Variants in CCND3 observed in about 807,000 individuals in gnomAD.
CCND3 encodes cyclin D3.
CCND3 carries 9 observed loss-of-function variants against 28.7 expected under a neutral mutation model. That is an observed-to-expected ratio of 0.31 (90% CI 0.19 to 0.55). The LOEUF is 0.55. CCND3 is among the 20% of genes least tolerant of loss of function. The probability of loss-of-function intolerance (pLI) is 0.93; values close to 1 mark genes in which losing one functional copy is unlikely to be tolerated. For synonymous variants in CCND3, 164 were observed against 163.9 expected, an observed-to-expected ratio of 1.00 and a Z score of 0.00; for missense variants, 315 against 385.8, an observed-to-expected ratio of 0.82 and a Z score of 1.54.
At chr6:42,012,525 T>A (rs1763372824) in intron 1 of CCND3, among the ~76,000 whole-genome samples, 1 of 152,062 alleles carries the variant, frequency 6.6e-6, no homozygotes. Flanking sequence ...CACTTGAACC[T>A]GGGAGGTGGA....
intron 1 of CCND3, among the ~76,000 whole-genome samples, chr6:42,022,036 T>C (rs1195900723): frequency 6.6e-6 from 1 of 152,176 alleles, no homozygotes; most frequent in Non-Finnish European, 1.5e-5. Flanking sequence ...GCATCACATA[T>C]TAAGTGCTGA....
intron 1 of CCND3, among the ~76,000 whole-genome samples, chr6:42,009,439 CTG>C (rs986608083): frequency 6.6e-5 from 10 of 152,192 alleles, no homozygotes; most frequent in African/African-American, 2.4e-4. Flanking sequence ...TGGTGAAACC[CTG>C]TCTCTACTAA....
At chr6:41,960,384 T>C (rs190869008) in intron 1 of CCND3, among the ~76,000 whole-genome samples, 2 of 152,366 alleles carry the variant, frequency 1.3e-5, no homozygotes, top group Admixed American at 6.5e-5. Context: ...GTGAATGCTA[T>C]GGTATGTAAC....
At chr6:42,024,932 C>T (rs1255908412) in intron 1 of CCND3, among the ~76,000 whole-genome samples, 2 of 152,214 alleles carry the variant, frequency 1.3e-5, no homozygotes, top group Middle Eastern at 3.4e-3. Context: ...GTGGTGCACA[C>T]CTGTAATCCT....
chr6:41,965,856 C>T (rs933044418), intron 1 of CCND3, among the ~76,000 whole-genome samples: 1 of 152,128 alleles, frequency 6.6e-6, no homozygotes, highest in African/African-American at 2.4e-5. Context: ...TCTTTAAATC[C>T]GCTTGCATAT....
chr6:41,996,303 C>G (rs1169882742), intron 1 of CCND3, among the ~76,000 whole-genome samples: 1 of 151,714 alleles, frequency 6.6e-6, no homozygotes, highest in Non-Finnish European at 1.5e-5. Context: ...GCACACGCCA[C>G]CATGTCCGGC....
At chr6:42,000,191 G>A (rs76776060) in intron 1 of CCND3, among the ~76,000 whole-genome samples, 3,224 of 128,042 alleles carry the variant, frequency 0.025, 133 homozygotes, top group African/African-American at 0.087. Context: ...CAAAATCCAA[G>A]AAAGTTAGAA....
chr6:41,991,219 C>A (rs1022605254), intron 1 of CCND3, among the ~76,000 whole-genome samples: 1 of 151,962 alleles, frequency 6.6e-6, no homozygotes, highest in African/African-American at 2.4e-5. Context: ...GCACCACACC[C>A]GGCTAATTTT....
At chr6:41,974,789 G>GT (rs558976451) in intron 1 of CCND3, among the ~76,000 whole-genome samples, 8 of 96,354 alleles carry the variant, frequency 8.3e-5, no homozygotes, top group African/African-American at 3.5e-4. Flanking sequence ...ATTCCCCACA[G>GT]TTCTTTTTTT....
chr6:41,973,994 C>T (rs1762101695), intron 1 of CCND3, among the ~76,000 whole-genome samples: 1 of 152,142 alleles, frequency 6.6e-6, no homozygotes, highest in South Asian at 2.1e-4. Flanking sequence ...ACCATCCTGG[C>T]CAACATGGCA....
intron 1 of CCND3, among the ~76,000 whole-genome samples, chr6:42,026,064 G>A (rs1763866245): frequency 6.6e-6 from 1 of 152,128 alleles, no homozygotes; most frequent in African/African-American, 2.4e-5. Flanking sequence ...AGCTAAATGT[G>A]ACCTGTGACC....
At chr6:42,006,227 C>A (rs1057270838) in intron 1 of CCND3, among the ~76,000 whole-genome samples, 2 of 151,454 alleles carry the variant, frequency 1.3e-5, no homozygotes, top group Non-Finnish European at 2.9e-5. Flanking sequence ...AAAACAAAAA[C>A]TCACATCATC....
intron 1 of CCND3, among the ~76,000 whole-genome samples, chr6:42,041,183 G>A (rs905704237): frequency 6.6e-6 from 1 of 152,194 alleles, no homozygotes; most frequent in Non-Finnish European, 1.5e-5. Flanking sequence ...GAAGAAACAG[G>A]GGGGAGGAAA....
At chr6:42,024,522 C>T (rs1286961236) in intron 1 of CCND3, among the ~76,000 whole-genome samples, 1 of 152,124 alleles carries the variant, frequency 6.6e-6, no homozygotes, top group African/African-American at 2.4e-5. Flanking sequence ...GGATCTCAGT[C>T]CACCCTCAGT....
At chr6:42,038,836 A>C (rs940696658) in intron 1 of CCND3, among the ~76,000 whole-genome samples, 12 of 152,190 alleles carry the variant, frequency 7.9e-5, no homozygotes, top group African/African-American at 2.7e-4. Context: ...TTCTTCTTTT[A>C]TCTCCTCAAA....
At position 41,935,287 on chromosome 6, in the gene CCND3, C is replaced by T. The variant is rs1775732724; in HGVS notation, c.*653G>A. 4.3e-6 allele frequency: 1 copy of T among 233,886 alleles called. No individual in the cohort carries two copies. The highest frequency in any genetic ancestry group is 6.0e-5 in the East Asian group (1 of 16,588). 14.5% of individuals were successfully genotyped at this position (233,886 alleles called of 1,614,324 possible). ...CCCATTATGTCCTCTTAAAGTTGTG[C>T]TCAAAGCAATTAATAAATTAAAATG... On this transcript the variant is annotated 3_prime_UTR_variant, in exon 5 of 5. Transcript: ENST00000372991.
At chr6:42,029,179 C>T (rs559505103) in intron 1 of CCND3, among the ~76,000 whole-genome samples, 91 of 151,064 alleles carry the variant, frequency 6.0e-4, no homozygotes, top group African/African-American at 2.1e-3. Flanking sequence ...TTTTTAGAGA[C>T]AGGGTCTCAC....
Position 41,940,408 on chromosome 6 carries a change from T to C in CCND3, c.376A>G (p.Ile126Val). The C allele has an allele frequency of 6.2e-7, 1 of 1,614,096 alleles. No individual in the cohort carries two copies. Among genetic ancestry groups the C allele is most frequent in the South Asian group, 1.1e-5 (1 of 91,084 alleles). Residue 126 changes from isoleucine (I) to valine (V), a missense_variant, in exon 2 of 5, where the codon ATC (isoleucine) becomes GTC (valine). Coordinates refer to ENST00000372991, the MANE Select transcript of CCND3 (RefSeq NM_001760.5). ...TTPLTIEKLC[I>V]YTDHAVSPRQ... ...GGAGAGACAGCGTGGTCGGTGTAGA[T>C]GCACAGTTTTTCGATGGTCAGGGGC...
chr6:42,029,952 T>G (rs1763996171), intron 1 of CCND3: 1 of 152,070 alleles, frequency 6.6e-6, no homozygotes, highest in Non-Finnish European at 1.5e-5. Flanking sequence ...CCTCCCTATT[T>G]CAACCATTCT....
Sources: gnomAD v4.1 joint callset for allele counts (sites outside exome capture counted in the v4.1 genomes callset) on GRCh38, gnomAD v4.1.1 for gene constraint, MANE v1.5 for transcripts, NCBI Gene and HGNC (gene_info 2026-07-23, HGNC 2026-07-21) for gene names.